The following VIT variants were observed in gnomAD, a reference collection of about 807,000 sequenced individuals.
VIT encodes vitrin.
VIT carries 99 observed loss-of-function variants against 78.0 expected under a neutral mutation model. That is an observed-to-expected ratio of 1.27 (90% CI 1.08 to 1.50). The LOEUF is 1.50. Ranked by LOEUF, VIT falls within the 40% of genes most tolerant of loss-of-function variation. The probability of loss-of-function intolerance (pLI) is 0.00; values close to 1 mark genes in which losing one functional copy is unlikely to be tolerated. For missense variants in VIT, 1,126 were observed against 875.3 expected (o/e 1.29, Z -3.61); for synonymous variants, 374 against 334.3 (o/e 1.12, Z -1.29).
At chr2:36,741,165 G>A (rs945575452) in intron 3 of VIT, among the ~76,000 whole-genome samples, 14 of 152,100 alleles carry the variant, frequency 9.2e-5, no homozygotes, top group African/African-American at 2.9e-4. Context: ...GTTACATCCA[G>A]GAATCAAACA....
Position 36,754,967 on chromosome 2 carries a change from G to T in VIT, c.322G>T (p.Ala108Ser). Residue 108 changes from alanine to serine, a missense_variant, in exon 5 of 16, where the codon GCT becomes TCT. By Grantham distance (99) the Ala-to-Ser change is moderately conservative. Transcript: ENST00000379242. ...SGGKILVRKV[A>S]GQSGYKGSYS... ...AGGGAAAATACTTGTTCGGAAGGTT[G>T]CTGGACAGTCTGGTTACAAAGGGAG... The T allele has an allele frequency of 6.2e-7, 1 of 1,614,166 alleles. No individual in the cohort carries two copies. Among genetic ancestry groups the T allele is most frequent in the African/African-American group, 1.3e-5 (1 of 75,040 alleles).
intron 15 of VIT, among the ~76,000 whole-genome samples, chr2:36,812,105 A>G (rs1326555325): frequency 2.0e-5 from 3 of 152,264 alleles, no homozygotes; most frequent in African/African-American, 7.2e-5. Context: ...GACACCTGGC[A>G]GCACTTTAAA....
rs1300546423 is a variant in VIT at position 36,806,390 on chromosome 2, GCCCTTCT to G, written c.1389+731_1389+737del. 4.6e-5 allele frequency among the ~76,000 whole-genome samples: 7 copies of G among 152,066 alleles called. No homozygotes were observed. The East Asian group carries it at 1.2e-3, about 25-fold the overall frequency. ...ATGACCACTTCCTGCTCCTTGAAAT[GCCCTTCT>G]CCCTGGACTTCCAGGATGCTGTATG... On this transcript the variant is annotated intron_variant, in intron 14 of 15. Transcript: ENST00000379242.
At chr2:36,707,587 A>G (rs915502757) in intron 1 of VIT, among the ~76,000 whole-genome samples, 1 of 152,096 alleles carries the variant, frequency 6.6e-6, no homozygotes, top group Non-Finnish European at 1.5e-5. Flanking sequence ...TCGAATTGGG[A>G]TCTGCCCGGG....
At chr2:36,783,216 G>A in intron 10 of VIT, 124 bp from the exon 11 acceptor site, 1 of 762,422 alleles carries the variant, frequency 1.3e-6, no homozygotes, top group South Asian at 1.9e-5. Context: ...GTGAAAAAAA[G>A]CACAGTTAGC....
chr2:36,769,403 G>T (rs1036313774), intron 7 of VIT, among the ~76,000 whole-genome samples: 3 of 152,140 alleles, frequency 2.0e-5, no homozygotes, highest in African/African-American at 7.2e-5. Context: ...TCCTGGCTTG[G>T]GAACAGGAGC....
intron 3 of VIT, among the ~76,000 whole-genome samples, chr2:36,731,009 A>G (rs1208777629): frequency 1.3e-5 from 2 of 152,204 alleles, no homozygotes; most frequent in Non-Finnish European, 1.5e-5. Flanking sequence ...GGGATCCATC[A>G]GAGGAAAGCG....
intron 13 of VIT, among the ~76,000 whole-genome samples, chr2:36,803,686 T>C (rs971899097): frequency 1.3e-5 from 2 of 152,196 alleles, no homozygotes; most frequent in East Asian, 1.9e-4. Context: ...ATGTAACCAT[T>C]TGATGCTCTC....
At chr2:36,750,687 G>A (rs544803149) in intron 4 of VIT, among the ~76,000 whole-genome samples, 183 of 151,714 alleles carry the variant, frequency 1.2e-3, no homozygotes, top group African/African-American at 4.2e-3. Context: ...TGGGCATGGC[G>A]GTGCACACAT....
chr2:36,755,540 T>C (rs527434876), intron 5 of VIT, among the ~76,000 whole-genome samples: 3 of 152,330 alleles, frequency 2.0e-5, no homozygotes, highest in Non-Finnish European at 4.4e-5. Flanking sequence ...CTGGATATTT[T>C]ACCATATCTG....
intron 1 of VIT, among the ~76,000 whole-genome samples, chr2:36,707,530 A>G (rs1049178434): frequency 2.0e-5 from 3 of 152,186 alleles, no homozygotes; most frequent in South Asian, 2.1e-4. Context: ...CCAAGCCTGG[A>G]GCAATTGCCA....
At chr2:36,804,868 C>T (rs1295605976) in intron 13 of VIT, among the ~76,000 whole-genome samples, 1 of 151,866 alleles carries the variant, frequency 6.6e-6, no homozygotes, top group Non-Finnish European at 1.5e-5. Flanking sequence ...TGCTTGCTGT[C>T]CCTAAAACTT....
intron 10 of VIT, among the ~76,000 whole-genome samples, chr2:36,782,545 C>G (rs1427440689): frequency 6.6e-6 from 1 of 152,242 alleles, no homozygotes; most frequent in Admixed American, 6.5e-5. Flanking sequence ...TCCGGGCCTC[C>G]TGAAAACGGG....
intron 4 of VIT, among the ~76,000 whole-genome samples, chr2:36,746,889 T>C (rs946572152): frequency 2.0e-5 from 3 of 152,164 alleles, no homozygotes; most frequent in African/African-American, 4.8e-5. Flanking sequence ...TAAGGTGTGA[T>C]ATTAGATTGT....
chr2:36,717,868 C>G (rs1022612063), intron 2 of VIT, among the ~76,000 whole-genome samples: 8 of 152,120 alleles, frequency 5.3e-5, no homozygotes, highest in Admixed American at 5.2e-4. Flanking sequence ...GACTAGAAGT[C>G]CAAAATCAGT....
At chr2:36,780,987 C>T (rs1207587889) in intron 9 of VIT, among the ~76,000 whole-genome samples, 2 of 151,450 alleles carry the variant, frequency 1.3e-5, no homozygotes, top group African/African-American at 4.9e-5. Flanking sequence ...TTGAGTAAGA[C>T]TCTCCTCCTC....
chr2:36,802,389 C>A (rs773339229), intron 13 of VIT, among the ~76,000 whole-genome samples: 12 of 152,192 alleles, frequency 7.9e-5, no homozygotes, highest in Non-Finnish European at 1.3e-4. Flanking sequence ...GCCACAGTTG[C>A]TTGGCTTAGA....
intron 1 of VIT, among the ~76,000 whole-genome samples, chr2:36,704,438 T>A (rs1213770087): frequency 6.6e-6 from 1 of 152,122 alleles, no homozygotes; most frequent in Non-Finnish European, 1.5e-5. Context: ...AGCAAAGGGA[T>A]CAATCCCGTC....
At chr2:36,759,145 G>A (rs1395315502) in intron 6 of VIT, 99 bp downstream of exon 6, 2 of 1,607,924 alleles carry the variant, frequency 1.2e-6, no homozygotes, top group South Asian at 1.1e-5. Context: ...AACCGGTCAA[G>A]CTCCACTGGC....
Sources: allele counts gnomAD v4.1 joint callset (sites outside exome capture counted in the v4.1 genomes callset), GRCh38; gene constraint gnomAD v4.1.1; transcripts MANE v1.5; gene names NCBI Gene and HGNC (gene_info 2026-07-23, HGNC 2026-07-21).